MON2: variants seen among roughly 807,000 people sequenced by gnomAD.
MON2 encodes MON2 regulator of endosome-to-Golgi trafficking, also known as protein MON2 homolog.
In MON2, 84 loss-of-function variants were observed where a neutral mutation model predicts 208.6. The ratio of observed to expected loss-of-function variants is 0.40; its 90% confidence interval spans 0.34 to 0.48. The LOEUF (loss-of-function observed/expected upper bound fraction) is 0.48, where lower values mean the gene tolerates loss of function less well. Ranked by LOEUF, MON2 falls within the 20% of genes least tolerant of loss-of-function variation. The probability of loss-of-function intolerance (pLI) is 0.59; values close to 1 mark genes in which losing one functional copy is unlikely to be tolerated. For synonymous variants in MON2, 660 were observed against 694.0 expected, an observed-to-expected ratio of 0.95 and a Z score of 0.77; for missense variants, 1,611 against 2,015.4, an observed-to-expected ratio of 0.80 and a Z score of 3.84.
At chr12:62,548,829 ACTT>A (rs1313961505) in intron 22 of MON2, among the ~76,000 whole-genome samples, 4 of 152,156 alleles carry the variant, frequency 2.6e-5, no homozygotes, top group African/African-American at 7.2e-5. Context: ...AAAACTAAAT[ACTT>A]CTTATTATCT....
intron 8 of MON2, among the ~76,000 whole-genome samples, chr12:62,520,337 T>C (rs1436409910): frequency 3.3e-5 from 5 of 152,166 alleles, no homozygotes; most frequent in African/African-American, 1.2e-4. Context: ...ATAGGGTAGA[T>C]ACAAGTTTTT....
Position 62,501,602 on chromosome 12 carries a change from T to A in MON2, c.693T>A (p.Ala231=), listed in dbSNP as rs574705302. 2 of 1,614,142 alleles carry A rather than the reference T, an allele frequency of 1.2e-6. No homozygotes were observed. The highest frequency in any genetic ancestry group is 4.5e-5 in the East Asian group (2 of 44,880). Residue 231 remains alanine (A), a synonymous_variant, in exon 7 of 35, where the codon GCT becomes GCA. Coordinates refer to ENST00000393630, the MANE Select transcript of MON2 (RefSeq NM_015026.3). Reference sequence around the variant, plus strand: ...TTTGTCAGTTGGTTAATGCTGATGCTCCTTATTGGCTAGTGGGCATGACAG... The same window carrying A: ...TTTGTCAGTTGGTTAATGCTGATGCACCTTATTGGCTAGTGGGCATGACAG... ...QDLCQLVNAD[A]PYWLVGMTEM...
chr12:62,587,875 A>G (rs532589023), intron 33 of MON2, 199 bp from the exon 34 acceptor site: 2 of 402,748 alleles, frequency 5.0e-6, no homozygotes, highest in South Asian at 5.4e-5. Flanking sequence ...AATAACTACA[A>G]ATTTGATTTG....
At position 62,582,035 on chromosome 12, in the gene MON2, G is replaced by A. The variant is rs571625989; in HGVS notation, c.4699+1615G>A. On this transcript the variant is annotated intron_variant, in intron 32 of 34. Coordinates refer to ENST00000393630, the MANE Select transcript of MON2 (RefSeq NM_015026.3). ...CTAGCCCAAACAGTTTTTAAAACTG[G>A]CCTGGTAAAGTGTGGGTTTAGCAAA... Among the ~76,000 whole-genome samples, 55 of 152,118 alleles carry A rather than the reference G, an allele frequency of 3.6e-4. No individual in the cohort carries two copies. In the South Asian group the frequency reaches 6.0e-3, roughly 17 times the overall value.
chr12:62,490,102 G>A, intron 2 of MON2: 1 of 648,626 alleles, frequency 1.5e-6, no homozygotes, highest in Non-Finnish European at 2.3e-6. Flanking sequence ...TGGGGACCTG[G>A]TGGACCTTTT....
At chr12:62,570,684 AT>A (rs1183977048) in intron 29 of MON2, among the ~76,000 whole-genome samples, 2 of 55,084 alleles carry the variant, frequency 3.6e-5, no homozygotes, top group African/African-American at 1.4e-4. Flanking sequence ...CAGCCAAATT[AT>A]TTTTTGCTGG....
intron 1 of MON2, among the ~76,000 whole-genome samples, chr12:62,477,579 T>C (rs2069158565): frequency 7.0e-6 from 1 of 143,348 alleles, no homozygotes; most frequent in South Asian, 2.2e-4. Flanking sequence ...CACGTTTGCC[T>C]AATTTTTTTT....
chr12:62,585,115 CA>C (rs1230561626), intron 32 of MON2, among the ~76,000 whole-genome samples, 178 bp from the exon 33 acceptor site: 7 of 43,320 alleles, frequency 1.6e-4, no homozygotes, highest in Middle Eastern at 0.012. Context: ...ACACACAAAA[CA>C]AAAAAAAACA....
chr12:62,537,486 C>T, intron 15 of MON2, 116 bp from the exon 16 acceptor site: 1 of 807,332 alleles, frequency 1.2e-6, no homozygotes, highest in Admixed American at 3.2e-5. Context: ...CCTTCCAAAT[C>T]TTTTTCTTAA....
At position 62,467,203 on chromosome 12, in the gene MON2, G is replaced by A; in HGVS notation, c.-5G>A. The A allele has an allele frequency of 6.2e-7, 1 of 1,611,132 alleles. No homozygotes were observed. The highest frequency in any genetic ancestry group is 8.5e-7 in the Non-Finnish European group (1 of 1,179,672). ...CTCGGAAATTGGCTGGGACCTTGGAGGATCATGTCCGGCACCAGCAGCCCC... is the reference window on the plus strand; with the variant it reads ...CTCGGAAATTGGCTGGGACCTTGGAAGATCATGTCCGGCACCAGCAGCCCC... On this transcript the variant is annotated 5_prime_UTR_variant, in exon 1 of 35. Transcript: ENST00000393630.
chr12:62,499,054 G>T lies in MON2; in HGVS notation c.565+6G>T, dbSNP rs374519214. 9.3e-6 allele frequency: 15 copies of T among 1,608,138 alleles called. No individual in the cohort carries two copies. In the African/African-American group the frequency reaches 2.0e-4, roughly 22 times the overall value. On this transcript the variant is annotated splice_donor_region_variant and intron_variant, in intron 5 of 34. Transcript: ENST00000393630. The stretch of plus-strand genomic sequence containing the variant: ...TGAAGATGAACGACACAGAGGTAAA[G>T]TGCTAGAAGTTGTTTTACTTTGTGG...
In MON2 at chr12:62,556,092, A is replaced by C; in HGVS notation, c.3309A>C (p.Ser1103=). 1 of 1,614,112 alleles carries C rather than the reference A, an allele frequency of 6.2e-7. No individual in the cohort carries two copies. The highest frequency in any genetic ancestry group is 8.5e-7 in the Non-Finnish European group (1 of 1,180,014). The stretch of plus-strand genomic sequence containing the variant: ...GTGGCAATATTCTCATTCATCATTC[A>C]AGGGACACCGCCGAGAAGCAATGGG... The part of the protein sequence containing the change: ...SGGGNILIHH[S]RDTAEKQWAE... The change falls in exon 25 of 35, where the codon TCA becomes TCC. Residue 1103 remains serine, a synonymous_variant. Transcript: ENST00000393630.
At chr12:62,532,837 T>G (rs745502061) in intron 12 of MON2, among the ~76,000 whole-genome samples, 167 bp downstream of exon 12, 2 of 152,264 alleles carry the variant, frequency 1.3e-5, no homozygotes, top group Non-Finnish European at 2.9e-5. Flanking sequence ...TACTTTTTTC[T>G]GACCTATTTA....
chr12:62,562,194 A>G (rs980247464), intron 26 of MON2, among the ~76,000 whole-genome samples: 2 of 152,110 alleles, frequency 1.3e-5, no homozygotes, highest in African/African-American at 2.4e-5. Flanking sequence ...GAGTTATCCT[A>G]TCAGAAAAGA....
In MON2 at chr12:62,599,715, G is replaced by C. The variant is rs2075590551; in HGVS notation, c.*6966G>C. 1 of 152,136 alleles carries C rather than the reference G, an allele frequency of 6.6e-6. No individual in the cohort carries two copies. The highest frequency in any genetic ancestry group is 2.4e-5 in the African/African-American group (1 of 41,432). The allele number at this position is 152,136 out of a possible 1,614,324, so 9.4% of individuals were successfully genotyped here. The stretch of plus-strand genomic sequence containing the variant: ...ACTATGTCTTGCTTTTTCAAAAGCA[G>C]TTCTTTCTACTACAGTACAATAGTT... On this transcript the variant is annotated 3_prime_UTR_variant, in exon 35 of 35. Transcript: ENST00000393630.
intron 1 of MON2, among the ~76,000 whole-genome samples, chr12:62,473,136 A>C (rs548597299): frequency 7.8e-4 from 119 of 152,356 alleles, no homozygotes; most frequent in Non-Finnish European, 1.3e-3. Flanking sequence ...GAAATAATTG[A>C]GAAATTGCCT....
intron 20 of MON2, chr12:62,544,676 A>C: frequency 9.1e-7 from 1 of 1,095,550 alleles, no homozygotes; most frequent in East Asian, 3.4e-5. Context: ...TATATAATTT[A>C]CTGTTATGAA....
chr12:62,543,753 G>A (rs2073349366), intron 20 of MON2, among the ~76,000 whole-genome samples: 2 of 152,042 alleles, frequency 1.3e-5, no homozygotes, highest in Admixed American at 1.3e-4. Context: ...GATTACAGGC[G>A]CATACCACCA....
Position 62,563,389 on chromosome 12 carries a change from G to GATT in MON2, c.4033-1840_4033-1838dup, listed in dbSNP as rs2074266652. ...CTTAGTACGTGCCAGGCACTGAAAA[G>GATT]ATTATTATTAAATGAGTTAGTAAGT... On this transcript the variant is annotated intron_variant, in intron 26 of 34. Coordinates refer to ENST00000393630, the MANE Select transcript of MON2 (RefSeq NM_015026.3). Among the ~76,000 whole-genome samples, 7 of 152,216 alleles carry GATT rather than the reference G, an allele frequency of 4.6e-5. No individual in the cohort carries two copies. In the South Asian group the frequency reaches 1.5e-3, roughly 32 times the overall value.
Sources: allele counts gnomAD v4.1 joint callset (sites outside exome capture counted in the v4.1 genomes callset), GRCh38; gene constraint gnomAD v4.1.1; transcripts MANE v1.5; gene names NCBI Gene and HGNC (gene_info 2026-07-23, HGNC 2026-07-21).